The following NAV3 variants were observed in gnomAD, a reference collection of about 807,000 sequenced individuals.
NAV3 encodes neuron navigator 3.
A neutral mutation model predicts 244.7 loss-of-function variants in NAV3; 87 were observed. The observed-to-expected ratio is 0.36, with a 90% CI of 0.30 to 0.42. The LOEUF is 0.42. Among genes scored for constraint, NAV3 ranks in the 20% least tolerant of loss-of-function variants. NAV3 has a pLI of 1.00. For missense variants in NAV3, 2,663 were observed against 2,893.3 expected, an observed-to-expected ratio of 0.92 and a Z score of 1.83; for synonymous variants, 1,126 against 1,042.2, an observed-to-expected ratio of 1.08 and a Z score of -1.55.
At chr12:77,979,699 G>C (rs12315569) in intron 5 of NAV3, among the ~76,000 whole-genome samples, 11 of 79,356 alleles carry the variant, frequency 1.4e-4, no homozygotes, top group African/African-American at 4.4e-4. Context: ...GATGTGAAAC[G>C]AAAAAAAAAA....
intron 2 of NAV3, among the ~76,000 whole-genome samples, chr12:77,806,145 G>T (rs1243907189): frequency 6.6e-6 from 1 of 151,904 alleles, no homozygotes; most frequent in Non-Finnish European, 1.5e-5. Context: ...TTTTTGAAGG[G>T]TTTTTGTGTC....
chr12:77,593,828 A>G (rs377131070), intron 2 of NAV3, among the ~76,000 whole-genome samples: 1 of 151,702 alleles, frequency 6.6e-6, no homozygotes, highest in Non-Finnish European at 1.5e-5. Flanking sequence ...AAGGAAGAGA[A>G]ATTAACTGTG....
chr12:77,911,007 G>T (rs1886526887), intron 1 of NAV3, among the ~76,000 whole-genome samples: 2 of 152,088 alleles, frequency 1.3e-5, no homozygotes, highest in South Asian at 2.1e-4. Flanking sequence ...AGAGAGAAGT[G>T]AATGGCTATC....
chr12:78,133,554 C>A (rs964225531), intron 18 of NAV3, among the ~76,000 whole-genome samples: 4 of 151,602 alleles, frequency 2.6e-5, no homozygotes, highest in Admixed American at 2.0e-4. Context: ...TTTATTCTTT[C>A]TACCAATTAA....
chr12:77,809,786 A>G (rs1001208080), intron 2 of NAV3, among the ~76,000 whole-genome samples: 19 of 152,192 alleles, frequency 1.2e-4, no homozygotes, highest in African/African-American at 4.6e-4. Flanking sequence ...ATTGAGTTAA[A>G]TTGCTAATTT....
chr12:77,803,811 AT>A (rs1324477672), intron 2 of NAV3, among the ~76,000 whole-genome samples: 3 of 152,166 alleles, frequency 2.0e-5, no homozygotes, highest in African/African-American at 7.2e-5. Context: ...CTTTTTCATG[AT>A]CGCCATTCTA....
At chr12:77,919,251 G>A (rs992065143) in intron 1 of NAV3, among the ~76,000 whole-genome samples, 2 of 151,960 alleles carry the variant, frequency 1.3e-5, no homozygotes, top group Non-Finnish European at 2.9e-5. Flanking sequence ...GTCAAAGTGT[G>A]GTCAAGTATT....
chr12:77,956,525 T>C (rs140496094), intron 3 of NAV3, among the ~76,000 whole-genome samples: 333 of 152,258 alleles, frequency 2.2e-3, no homozygotes, highest in African/African-American at 7.3e-3. Flanking sequence ...CTTTTTACAT[T>C]GTAGCAGGGT....
intron 5 of NAV3, among the ~76,000 whole-genome samples, chr12:77,972,976 A>G (rs573748962): frequency 6.6e-6 from 1 of 152,240 alleles, no homozygotes; most frequent in African/African-American, 2.4e-5. Context: ...GAATACCTGG[A>G]AAAACATTAC....
At chr12:77,952,562 C>G (rs1170631689) in intron 3 of NAV3, among the ~76,000 whole-genome samples, 1 of 152,006 alleles carries the variant, frequency 6.6e-6, no homozygotes, top group Non-Finnish European at 1.5e-5. Context: ...CAATTTTGTA[C>G]TTCTTCAATA....
At chr12:77,761,635 T>G (rs996059839) in intron 2 of NAV3, among the ~76,000 whole-genome samples, 2 of 151,992 alleles carry the variant, frequency 1.3e-5, no homozygotes, top group Admixed American at 6.5e-5. Context: ...CAGACACTTC[T>G]CAAAAAAAGA....
chr12:78,152,247 T>C (rs1033002772), intron 22 of NAV3, among the ~76,000 whole-genome samples: 4 of 150,730 alleles, frequency 2.7e-5, no homozygotes, highest in Non-Finnish European at 5.9e-5. Context: ...CATTAACATC[T>C]ACTTTTAAAA....
intron 2 of NAV3, among the ~76,000 whole-genome samples, chr12:77,646,004 A>G (rs1047659560): frequency 2.6e-5 from 4 of 152,144 alleles, no homozygotes; most frequent in Non-Finnish European, 5.9e-5. Flanking sequence ...ACTAATCTCC[A>G]AAATGGTTTT....
intron 12 of NAV3, among the ~76,000 whole-genome samples, chr12:78,078,686 C>A (rs2137783921): frequency 2.0e-5 from 3 of 152,092 alleles, no homozygotes; most frequent in East Asian, 3.9e-4. Flanking sequence ...TGAGCCACCG[C>A]GCCCGGCCTC....
chr12:77,958,555 A>C (rs1891582134), intron 3 of NAV3, among the ~76,000 whole-genome samples: 1 of 152,172 alleles, frequency 6.6e-6, no homozygotes, highest in African/African-American at 2.4e-5. Flanking sequence ...TTACTCTAAC[A>C]AAACTGTTTT....
intron 9 of NAV3, among the ~76,000 whole-genome samples, chr12:78,047,223 C>T (rs1326664001): frequency 6.6e-6 from 1 of 152,126 alleles, no homozygotes; most frequent in East Asian, 1.9e-4. Context: ...TGCGGTGGCT[C>T]ACGCTTGTAA....
At chr12:77,679,625 G>C (rs148876451) in intron 2 of NAV3, among the ~76,000 whole-genome samples, 2 of 152,284 alleles carry the variant, frequency 1.3e-5, no homozygotes, top group East Asian at 3.9e-4. Context: ...CAAGGATGCA[G>C]AGTATGAAAA....
At position 78,168,799 on chromosome 12, in the gene NAV3, G is replaced by A; in HGVS notation, c.4914G>A (p.Lys1638=). 1 of 1,610,682 alleles carries A rather than the reference G, an allele frequency of 6.2e-7. No homozygotes were observed. Among genetic ancestry groups the A allele is most frequent in the Non-Finnish European group, 8.5e-7 (1 of 1,177,798 alleles). The change falls in exon 24 of 40, where the codon AAG becomes AAA. Residue 1638 remains lysine, a synonymous_variant. Coordinates refer to ENST00000397909, the MANE Select transcript of NAV3 (RefSeq NM_001024383.2). ...TAAGAGAAACCATTGAAATGCTGAA[G>A]GCTCAGAATTCTGCTGCCCAGGCGG... ...IELRETIEML[K]AQNSAAQAAI...
intron 30 of NAV3, among the ~76,000 whole-genome samples, chr12:78,181,502 T>C (rs1958496902): frequency 6.6e-6 from 1 of 152,082 alleles, no homozygotes; most frequent in South Asian, 2.1e-4. Context: ...TCTGCAGCTC[T>C]ATTAAATTTC....
Sources: allele counts gnomAD v4.1 joint callset (sites outside exome capture counted in the v4.1 genomes callset), GRCh38; gene constraint gnomAD v4.1.1; transcripts MANE v1.5; gene names NCBI Gene and HGNC (gene_info 2026-07-23, HGNC 2026-07-21).